Variants in AXDND1 observed in about 807,000 individuals in gnomAD.
AXDND1 encodes the protein axonemal dynein light chain domain-containing protein 1.
Under a neutral mutation model 137.5 loss-of-function variants are expected in AXDND1, and 110 were observed. The ratio of observed to expected loss-of-function variants is 0.80; its 90% CI spans 0.69 to 0.94. The LOEUF (loss-of-function observed/expected upper bound fraction) is 0.94, where lower values mean the gene tolerates loss of function less well. Ranked by LOEUF, AXDND1 falls within the 40% of genes least tolerant of loss-of-function variation. The pLI, the probability that AXDND1 is intolerant of heterozygous loss-of-function variation, is 0.00. For missense variants in AXDND1, 1,191 were observed against 1,169.8 expected (o/e 1.02, Z -0.26); for synonymous variants, 414 against 399.7 (o/e 1.04, Z -0.43).
chr1:179,475,146 T>C (rs1664453066), intron 17 of AXDND1, among the ~76,000 whole-genome samples: 1 of 152,242 alleles, frequency 6.6e-6, no homozygotes, highest in Non-Finnish European at 1.5e-5. Flanking sequence ...AGAGGTCTGC[T>C]GCAGAGGTAT....
At chr1:179,379,293 T>C (rs1192001159) in intron 5 of AXDND1, 104 bp from the exon 6 acceptor site, 2 of 1,299,682 alleles carry the variant, frequency 1.5e-6, no homozygotes, top group Admixed American at 2.7e-5. Context: ...ATTTTTCAAC[T>C]TAAAAAATAG....
chr1:179,482,525 G>T (rs1402811376), intron 17 of AXDND1, among the ~76,000 whole-genome samples: 1 of 152,082 alleles, frequency 6.6e-6, no homozygotes, highest in African/African-American at 2.4e-5. Context: ...TGTGTTCTTG[G>T]CTACAGCATT....
chr1:179,432,340 A>G lies in AXDND1; in HGVS notation c.1561A>G (p.Lys521Glu). The G allele has an allele frequency of 6.4e-7, 1 of 1,568,610 alleles. No individual in the cohort carries two copies. The highest frequency in any genetic ancestry group is 1.2e-5 in the South Asian group (1 of 85,278). Residue 521 changes from lysine to glutamate, a missense_variant and splice_region_variant, in exon 15 of 26, where the codon AAG (lysine) becomes GAG (glutamate). Physicochemically the swap from Lys to Glu is moderately conservative, Grantham distance 56. Transcript: ENST00000367618. ...TCTTTTAGACTTCAAACAGTGGCAG[A>G]AGGTAAGACTTTTTAATAAAGAGCT... ...SVLLDFKQWQKILNEKKEEFT... is the reference protein window; with the variant it reads ...SVLLDFKQWQEILNEKKEEFT...
At chr1:179,380,203 C>T (rs1350404056) in intron 6 of AXDND1, among the ~76,000 whole-genome samples, 3 of 150,926 alleles carry the variant, frequency 2.0e-5, no homozygotes, top group African/African-American at 7.3e-5. Context: ...GAGCTGAGAT[C>T]GCGCCACTGC....
Position 179,447,784 on chromosome 1 carries a change from C to T in AXDND1, c.1798+2580C>T, listed in dbSNP as rs148622536. On this transcript the variant is annotated intron_variant, in intron 16 of 25. Coordinates refer to ENST00000367618, the MANE Select transcript of AXDND1 (RefSeq NM_144696.6). Reference sequence around the variant, plus strand: ...AGCTCTTGAGTTTACAAATTCATTCCCCACTGGGCTGCTTCCAGTTCCATT... The same window carrying T: ...AGCTCTTGAGTTTACAAATTCATTCTCCACTGGGCTGCTTCCAGTTCCATT... 4.3e-5 allele frequency: 57 copies of T among 1,313,100 alleles called. No individual in the cohort carries two copies. In the South Asian group the frequency reaches 5.6e-4, roughly 13 times the overall value. The allele number at this position is 1,313,100 out of a possible 1,614,324, so 81.3% of individuals were successfully genotyped here.
intron 12 of AXDND1, among the ~76,000 whole-genome samples, chr1:179,424,617 A>G (rs2125286197): frequency 6.6e-6 from 1 of 151,838 alleles, no homozygotes; most frequent in African/African-American, 2.4e-5. Context: ...TTTAGTAGAA[A>G]TGGAGTTTTG....
At position 179,533,763 on chromosome 1, in the gene AXDND1, A is replaced by C. The variant is rs374363081; in HGVS notation, c.2716-32A>C. 5.2e-5 allele frequency: 77 copies of C among 1,468,086 alleles called. No individual in the cohort carries two copies. The South Asian group carries it at 7.4e-4, about 14-fold the overall frequency. The allele number at this position is 1,468,086 out of a possible 1,614,324, so 90.9% of individuals were successfully genotyped here. On this transcript the variant is annotated intron_variant, in intron 23 of 25. Transcript: ENST00000367618. ...TAGAATACTAATTGTTGAGACTGTC[A>C]GTTCATTCATATCTCATATTTCCTC...
chr1:179,459,755 CT>C (rs1211354076), intron 16 of AXDND1, among the ~76,000 whole-genome samples: 1 of 117,416 alleles, frequency 8.5e-6, no homozygotes, highest in Non-Finnish European at 1.8e-5. Flanking sequence ...TCCTTCCTTT[CT>C]TTTCTTTTCT....
Position 179,491,520 on chromosome 1 carries a change from A to G in AXDND1, c.2092-18A>G, listed in dbSNP as rs779669325. On this transcript the variant is annotated intron_variant, in intron 18 of 25. Transcript: ENST00000367618. ...TTATTTAAAGTGGGTCATTTGTATT[A>G]TACTCATTTTTTAACAGATGGATGA... The G allele has an allele frequency of 1.3e-6, 2 of 1,518,118 alleles. No individual in the cohort carries two copies. The highest frequency in any genetic ancestry group is 1.8e-6 in the Non-Finnish European group (2 of 1,100,540). 94.0% of individuals were successfully genotyped at this position (1,518,118 alleles called of 1,614,324 possible).
chr1:179,428,823 T>C (rs1656956294), intron 12 of AXDND1, among the ~76,000 whole-genome samples: 1 of 152,204 alleles, frequency 6.6e-6, no homozygotes, highest in Non-Finnish European at 1.5e-5. Context: ...AATATGCTAT[T>C]TATGTTAATA....
At chr1:179,486,139 A>AAAAAACACAAAAAACT (rs149119239) in intron 18 of AXDND1, among the ~76,000 whole-genome samples, 1 of 87,770 alleles carries the variant, frequency 1.1e-5, no homozygotes, top group Non-Finnish European at 2.3e-5. Flanking sequence ...AAAAAAAAAA[A>AAAAAACACAAAAAACT]AACCTGATAG....
chr1:179,466,276 CTTCTTCTTCTTT>C, intron 16 of AXDND1, among the ~76,000 whole-genome samples: 2 of 121,402 alleles, frequency 1.6e-5, no homozygotes, highest in African/African-American at 6.3e-5. Context: ...TTTCTTTCTT[CTTCTTCTTCTTT>C]TTTTTTTTTT....
At chr1:179,470,521 A>G (rs2125489187) in intron 17 of AXDND1, among the ~76,000 whole-genome samples, 1 of 152,018 alleles carries the variant, frequency 6.6e-6, no homozygotes, top group East Asian at 1.9e-4. Flanking sequence ...TGTTATATTT[A>G]CTCCTAAGTA....
intron 11 of AXDND1, among the ~76,000 whole-genome samples, chr1:179,401,898 G>T (rs929503443): frequency 3.3e-5 from 5 of 152,116 alleles, no homozygotes; most frequent in African/African-American, 1.2e-4. Context: ...TCGGGGCCGG[G>T]CAAGGTGGCT....
At chr1:179,496,731 T>C (rs1329901045) in intron 20 of AXDND1, among the ~76,000 whole-genome samples, 1 of 152,054 alleles carries the variant, frequency 6.6e-6, no homozygotes, top group Admixed American at 6.6e-5. Flanking sequence ...TTATATTTTC[T>C]TACTTATTCT....
At chr1:179,469,410 A>G (rs1360004) in intron 17 of AXDND1, among the ~76,000 whole-genome samples, 25,507 of 152,146 alleles carry the variant, frequency 0.17, 2,473 homozygotes, top group East Asian at 0.35. Context: ...TCATTTGTCC[A>G]TTGATAGACA....
chr1:179,479,731 C>T (rs73036755), intron 17 of AXDND1, among the ~76,000 whole-genome samples: 16,356 of 152,022 alleles, frequency 0.11, 1,005 homozygotes, highest in African/African-American at 0.14. Context: ...GAGCCGAGAT[C>T]GCACCACTGC....
chr1:179,403,872 C>T (rs771403902), intron 11 of AXDND1, among the ~76,000 whole-genome samples: 11 of 152,130 alleles, frequency 7.2e-5, no homozygotes, highest in Admixed American at 7.2e-4. Flanking sequence ...CCACTGCCCC[C>T]GGCCTACATC....
At chr1:179,377,654 T>C (rs1260400536) in intron 4 of AXDND1, among the ~76,000 whole-genome samples, 1 of 152,198 alleles carries the variant, frequency 6.6e-6, no homozygotes, top group African/African-American at 2.4e-5. Context: ...ACAGAAAAGT[T>C]GCAAATGTGA....
Sources: allele counts gnomAD v4.1 joint callset (sites outside exome capture counted in the v4.1 genomes callset), GRCh38; gene constraint gnomAD v4.1.1; transcripts MANE v1.5; gene names NCBI Gene and HGNC (gene_info 2026-07-23, HGNC 2026-07-21).